CCDC93: variants seen among roughly 807,000 people sequenced by gnomAD.
CCDC93 encodes the protein coiled-coil domain-containing protein 93.
In CCDC93, 61 loss-of-function variants were observed where a neutral mutation model predicts 108.2. The ratio of observed to expected loss-of-function variants is 0.56; its 90% CI spans 0.46 to 0.70. CCDC93 has a LOEUF of 0.70. Among genes scored for constraint, CCDC93 ranks in the 30% least tolerant of loss-of-function variants. The pLI, the probability that CCDC93 is intolerant of heterozygous loss-of-function variation, is 0.00. For synonymous variants in CCDC93, 276 were observed against 260.4 expected (o/e 1.06, Z -0.58); for missense variants, 685 against 764.2 (o/e 0.90, Z 1.22).
Position 118,006,750 on chromosome 2 carries a change from GAA to G in CCDC93, c.221_222del (p.Phe74SerfsTer62). The G allele has an allele frequency of 6.2e-7, 1 of 1,611,926 alleles. No individual in the cohort carries two copies. The highest frequency in any genetic ancestry group is 8.5e-7 in the Non-Finnish European group (1 of 1,178,048). On this transcript the variant is annotated frameshift_variant, in exon 3 of 24. Coordinates refer to ENST00000376300, the MANE Select transcript of CCDC93 (RefSeq NM_019044.5). LOFTEE classifies it high-confidence loss of function. Reference sequence around the variant, plus strand: ...TTTTGACCTATCGTAGAGTTTTCTTGAAAGAGCAAATCAACATCTACATCAAA... The same window carrying G: ...TTTTGACCTATCGTAGAGTTTTCTTGAGAGCAAATCAACATCTACATCAAA... ...CNFDVDVDLL[F>X]QENSTIGQKI...
intron 23 of CCDC93, among the ~76,000 whole-genome samples, chr2:117,926,352 C>G (rs1426703722): frequency 2.6e-5 from 4 of 151,924 alleles, no homozygotes; most frequent in Non-Finnish European, 5.9e-5. Context: ...AAAAGATCAA[C>G]AAAATTGATA....
chr2:117,977,411 T>C (rs1679977267), intron 8 of CCDC93, among the ~76,000 whole-genome samples: 2 of 152,184 alleles, frequency 1.3e-5, no homozygotes, highest in South Asian at 2.1e-4. Context: ...AGTGAAAACA[T>C]ACAGAGCCCT....
rs1334603946 is a variant in CCDC93, at chr2:117,941,217, C to T, written c.1494G>A (p.Gln498=). Residue 498 remains glutamine, a synonymous_variant, in exon 19 of 24, where the codon CAG becomes CAA. Transcript: ENST00000376300. ...VPSRAELIQY[Q]KRFIELYRQI... is the part of the protein sequence containing the mutation. ...GGCGGTAGAGTTCAATAAATCTCTTCTGATACTGTATTAGCTCGGCACGGC... is the reference window on the plus strand; with the variant it reads ...GGCGGTAGAGTTCAATAAATCTCTTTTGATACTGTATTAGCTCGGCACGGC... 2.5e-6 allele frequency: 4 copies of T among 1,613,728 alleles called. No homozygotes were observed. The highest frequency in any genetic ancestry group is 2.5e-6 in the Non-Finnish European group (3 of 1,179,624).
intron 11 of CCDC93, among the ~76,000 whole-genome samples, chr2:117,965,514 A>G (rs1042138782): frequency 1.3e-5 from 2 of 152,162 alleles, no homozygotes; most frequent in Admixed American, 1.3e-4. Flanking sequence ...TATAATTTTA[A>G]AAGTCATCCA....
chr2:117,953,352 G>T (rs559043669), intron 12 of CCDC93, among the ~76,000 whole-genome samples: 36 of 152,232 alleles, frequency 2.4e-4, no homozygotes, highest in African/African-American at 7.9e-4. Context: ...CTATCAAGAA[G>T]CCAACTCAAG....
In CCDC93 at chr2:117,996,157, G is replaced by A. The variant is rs576628422; in HGVS notation, c.462+107C>T. On this transcript the variant is annotated intron_variant, in intron 5 of 23. Transcript: ENST00000376300. ...AGAAGCACTAATGATGCCAAGTGGG[G>A]CTGAGAATGTAGGGGAGCCTGAGCT... 9.3e-6 allele frequency: 6 copies of A among 642,768 alleles called. No homozygotes were observed. The East Asian group carries it at 1.6e-4, about 17-fold the overall frequency. 39.8% of individuals were successfully genotyped at this position (642,768 alleles called of 1,614,324 possible).
At chr2:117,975,017 T>TA in intron 9 of CCDC93, 117 bp from the exon 10 acceptor site, 2 of 1,065,394 alleles carry the variant, frequency 1.9e-6, no homozygotes, top group South Asian at 2.7e-5. Flanking sequence ...GATCTCGTCT[T>TA]ATGTGAGCCT....
At chr2:117,966,871 A>C (rs1679598560) in intron 11 of CCDC93, among the ~76,000 whole-genome samples, 1 of 152,218 alleles carries the variant, frequency 6.6e-6, no homozygotes, top group Non-Finnish European at 1.5e-5. Flanking sequence ...TGGACAGGAA[A>C]ATTTCCAAAA....
chr2:118,014,022 G>C lies in CCDC93; in HGVS notation c.-27C>G. ...ATCCGACCGGGCTGTCGTAAGGCGA[G>C]AGCGAAGCCCGCCAAGCGTCCGGAG... On this transcript the variant is annotated 5_prime_UTR_variant, in exon 1 of 24. Transcript: ENST00000376300. The C allele has an allele frequency of 6.3e-7, 1 of 1,589,710 alleles. No individual in the cohort carries two copies. The highest frequency in any genetic ancestry group is 8.6e-7 in the Non-Finnish European group (1 of 1,169,542).
At position 117,915,762 on chromosome 2, in the gene CCDC93, A is replaced by C. The variant is rs1677662470; in HGVS notation, c.*4581T>G. 1 of 152,196 alleles carries C rather than the reference A, an allele frequency of 6.6e-6. No homozygotes were observed. Among genetic ancestry groups the C allele is most frequent in the African/African-American group, 2.4e-5 (1 of 41,452 alleles). The allele number at this position is 152,196 out of a possible 1,614,324, so 9.4% of individuals were successfully genotyped here. On this transcript the variant is annotated 3_prime_UTR_variant, in exon 24 of 24. Transcript: ENST00000376300. ...GTGGACATATGATATACACGTGTAT[A>C]CGTCTGTGTGAAAACATATGCACAC...
At chr2:117,941,115 C>G (rs1395154217) in intron 19 of CCDC93, 74 bp downstream of exon 19, 5 of 1,036,786 alleles carry the variant, frequency 4.8e-6, no homozygotes, top group Non-Finnish European at 7.5e-6. Context: ...CATGCTCCCC[C>G]ATGCTAAAGT....
chr2:118,007,091 G>A (rs1676893822), intron 2 of CCDC93, among the ~76,000 whole-genome samples: 1 of 152,214 alleles, frequency 6.6e-6, no homozygotes, highest in South Asian at 2.1e-4. Flanking sequence ...CTGAGCAGTT[G>A]AAATGTGGCT....
chr2:118,010,518 T>C (rs1462542393), intron 1 of CCDC93, among the ~76,000 whole-genome samples: 2 of 152,236 alleles, frequency 1.3e-5, no homozygotes, highest in Admixed American at 6.5e-5. Context: ...TCCTTTACTA[T>C]GCATCTCACA....
At chr2:117,988,348 G>C (rs947356200) in intron 6 of CCDC93, among the ~76,000 whole-genome samples, 12 of 152,214 alleles carry the variant, frequency 7.9e-5, no homozygotes, top group Admixed American at 5.9e-4. Context: ...GAACAGCACA[G>C]TACCATGGCA....
intron 8 of CCDC93, among the ~76,000 whole-genome samples, chr2:117,977,498 A>G (rs1256714576): frequency 6.6e-6 from 1 of 152,256 alleles, no homozygotes; most frequent in Admixed American, 6.5e-5. Flanking sequence ...ACAATGAAGC[A>G]TCATTAATAA....
chr2:117,974,059 G>C (rs1300257854), intron 10 of CCDC93, 65 bp from the exon 11 acceptor site: 4 of 1,006,734 alleles, frequency 4.0e-6, no homozygotes, highest in African/African-American at 1.6e-5. Context: ...TGGAAAATCT[G>C]AACACTCTAT....
chr2:117,973,761 T>C (rs1045292864), intron 11 of CCDC93, 147 bp downstream of exon 11: 1 of 654,586 alleles, frequency 1.5e-6, no homozygotes, highest in Non-Finnish European at 2.8e-6. Context: ...CGGTTGTGCA[T>C]GGTAAAGCCC....
chr2:117,971,281 T>G (rs1054778851), intron 11 of CCDC93, among the ~76,000 whole-genome samples: 1 of 152,246 alleles, frequency 6.6e-6, no homozygotes, highest in Admixed American at 6.5e-5. Flanking sequence ...CAGGATCACC[T>G]GAGCCTGGGA....
intron 11 of CCDC93, among the ~76,000 whole-genome samples, chr2:117,972,898 AG>A (rs1189177491): frequency 2.6e-5 from 4 of 152,202 alleles, no homozygotes; most frequent in African/African-American, 7.2e-5. Context: ...TGGACTAGAA[AG>A]CCCATGTTAA....
Sources: allele counts gnomAD v4.1 joint callset (sites outside exome capture counted in the v4.1 genomes callset), GRCh38; gene constraint gnomAD v4.1.1; transcripts MANE v1.5; gene names NCBI Gene and HGNC (gene_info 2026-07-23, HGNC 2026-07-21).